Variants in TENM1 observed in about 807,000 individuals in gnomAD.
The protein encoded by TENM1 is teneurin transmembrane protein 1.
Under a neutral mutation model 174.8 loss-of-function variants are expected in TENM1, and 35 were observed. That is an observed-to-expected ratio of 0.20 (90% CI 0.15 to 0.27). The LOEUF is 0.27. Among genes scored for constraint, TENM1 ranks in the 10% least tolerant of loss-of-function variants. TENM1 has a pLI of 1.00. For missense variants in TENM1, 1,633 were observed against 2,130.1 expected, an observed-to-expected ratio of 0.77 and a Z score of 4.59; for synonymous variants, 781 against 798.7, an observed-to-expected ratio of 0.98 and a Z score of 0.37.
intron 4 of TENM1, among the ~76,000 whole-genome samples, chrX:124,721,351 C>A (rs2053304673): frequency 9.0e-6 from 1 of 111,305 alleles, no homozygotes; most frequent in African/African-American, 3.3e-5. Flanking sequence ...ATAAGATTTT[C>A]AATTATAAAA....
the TENM1 span, among the ~76,000 whole-genome samples, chrX:125,123,355 C>T: frequency 1.1e-3 from 117 of 109,700 alleles, no homozygotes; most frequent in Middle Eastern, 9.3e-3. Context: ...GAGGCCAAGG[C>T]GGGAGGATCA....
chrX:124,734,148 G>T (rs758978202), intron 4 of TENM1, among the ~76,000 whole-genome samples: 87 of 111,727 alleles, frequency 7.8e-4, no homozygotes, highest in African/African-American at 2.8e-3. Flanking sequence ...AGAAAGAAAA[G>T]AAAAGAAAAG....
intron 17 of TENM1, among the ~76,000 whole-genome samples, chrX:124,522,689 C>CTTT (rs1333404267): frequency 2.1e-5 from 2 of 97,204 alleles, no homozygotes; most frequent in African/African-American, 3.8e-5. Context: ...AAGTAGATTT[C>CTTT]TTTTTTTTTT....
chrX:125,135,721 C>A, the TENM1 span, among the ~76,000 whole-genome samples: 3 of 111,616 alleles, frequency 2.7e-5, no homozygotes, highest in Admixed American at 9.5e-5. Flanking sequence ...TGCTTTTATT[C>A]AAAAGAAAAG....
At chrX:125,138,072 T>C in the TENM1 span, among the ~76,000 whole-genome samples, 1 of 110,580 alleles carries the variant, frequency 9.0e-6, no homozygotes, top group African/African-American at 3.3e-5. Context: ...TCATCACCCC[T>C]CCCCTATAGG....
intron 4 of TENM1, among the ~76,000 whole-genome samples, chrX:124,715,060 C>T (rs1015286175): frequency 2.7e-5 from 3 of 112,129 alleles, no homozygotes; most frequent in Admixed American, 1.9e-4. Context: ...CTCAGGCCAA[C>T]GTATAAAAAT....
chrX:124,574,850 C>T (rs1374360421), intron 11 of TENM1, among the ~76,000 whole-genome samples: 1 of 111,904 alleles, frequency 8.9e-6, no homozygotes, highest in African/African-American at 3.2e-5. Flanking sequence ...AATGATTCAA[C>T]TAATAACAGT....
At chrX:125,025,673 G>T in the TENM1 span, among the ~76,000 whole-genome samples, 1 of 111,251 alleles carries the variant, frequency 9.0e-6, no homozygotes, top group East Asian at 2.8e-4. Context: ...AGATTTGTAA[G>T]AAATTAGTGA....
rs368844001 is a variant in TENM1, at chrX:124,741,079, C to T, written c.536-3882G>A. Among the ~76,000 whole-genome samples, 144 of 111,758 alleles carry T rather than the reference C, an allele frequency of 1.3e-3. 1 individual carries two copies. The highest frequency in any genetic ancestry group is 4.5e-3 in the African/African-American group (139 of 30,868). On this transcript the variant is annotated intron_variant, in intron 3 of 31. Transcript: ENST00000422452. ...TTTCAGGTTTGAGGTCCTAAAATAA[C>T]TTGGTAAGATAATTTCTCAGGAGCA... is the stretch of plus-strand genomic sequence containing the variant.
chrX:124,650,387 G>A (rs944680762), intron 8 of TENM1, among the ~76,000 whole-genome samples: 1 of 110,711 alleles, frequency 9.0e-6, no homozygotes, highest in Admixed American at 9.7e-5. Context: ...ATTAAGCAAA[G>A]AGCAAATATG....
chrX:124,405,821 C>G (rs770433206), intron 26 of TENM1, among the ~76,000 whole-genome samples: 2 of 111,020 alleles, frequency 1.8e-5, no homozygotes, highest in Non-Finnish European at 3.8e-5. Context: ...CATTCCAAAT[C>G]CTATCTCCCT....
the TENM1 span, among the ~76,000 whole-genome samples, chrX:125,148,673 T>A: frequency 8.9e-6 from 1 of 111,748 alleles, no homozygotes; most frequent in African/African-American, 3.2e-5. Context: ...ACATCACCTT[T>A]CCTAACCAAA....
chrX:124,955,534 C>T (rs190368417), intron 1 of TENM1, among the ~76,000 whole-genome samples: 235 of 111,494 alleles, frequency 2.1e-3, no homozygotes, highest in African/African-American at 6.9e-3. Flanking sequence ...TTCATTGCTT[C>T]TGCCCACTAT....
At chrX:124,994,834 A>G in the TENM1 span, among the ~76,000 whole-genome samples, 1 of 111,124 alleles carries the variant, frequency 9.0e-6, no homozygotes, top group African/African-American at 3.3e-5. Context: ...TGCTTTTCAT[A>G]CTGTAGTCAG....
intron 3 of TENM1, among the ~76,000 whole-genome samples, chrX:124,741,164 T>C (rs2053790228): frequency 1.8e-5 from 2 of 111,703 alleles, no homozygotes; most frequent in Admixed American, 1.9e-4. Context: ...CTAATAGAAG[T>C]ATAAGCCTTC....
exon 32 of TENM1, chrX:124,380,444 A>T: frequency 1.2e-6 from 1 of 866,527 alleles, no homozygotes; most frequent in Non-Finnish European, 1.6e-6. Context: ...ATTTACATAT[A>T]CAGAGTTCTG....
chrX:124,424,505 A>G (rs774527713), intron 23 of TENM1, among the ~76,000 whole-genome samples: 1 of 111,659 alleles, frequency 9.0e-6, no homozygotes, highest in South Asian at 3.8e-4. Flanking sequence ...TCTAGTAACC[A>G]CTATTCTACT....
chrX:125,147,132 C>CATATGTGTGTATATATATCACAT, the TENM1 span, among the ~76,000 whole-genome samples: 13 of 107,404 alleles, frequency 1.2e-4, no homozygotes, highest in African/African-American at 4.1e-4. Flanking sequence ...TATATACACA[C>CATATGTGTGTATATATATCACAT]ATATGTGTGT....
At chrX:125,169,332 G>T in the TENM1 span, among the ~76,000 whole-genome samples, 1 of 111,400 alleles carries the variant, frequency 9.0e-6, no homozygotes, top group African/African-American at 3.3e-5. Flanking sequence ...GCTGAAAAAT[G>T]ACCCCATTCC....
Sources: gnomAD v4.1 joint callset for allele counts (sites outside exome capture counted in the v4.1 genomes callset) on GRCh38, gnomAD v4.1.1 for gene constraint, MANE v1.5 for transcripts, NCBI Gene and HGNC (gene_info 2026-07-23, HGNC 2026-07-21) for gene names.